Variants in TAF3 observed in about 807,000 individuals in gnomAD.
TAF3 encodes transcription initiation factor TFIID subunit 3.
Under a neutral mutation model 80.6 loss-of-function variants are expected in TAF3, and 7 were observed. That is an observed-to-expected ratio of 0.09 (90% CI 0.05 to 0.16). The LOEUF is 0.16. TAF3 is among the 10% of genes least tolerant of loss of function. The probability of loss-of-function intolerance (pLI) is 1.00; values close to 1 mark genes in which losing one functional copy is unlikely to be tolerated. For missense variants in TAF3, 921 were observed against 1,140.2 expected (o/e 0.81, Z 2.77); for synonymous variants, 444 against 446.1 (o/e 1.00, Z 0.06).
At chr10:8,008,974 T>A (rs1346974695) in intron 4 of TAF3, 104 bp from the exon 5 acceptor site, 37 of 1,449,104 alleles carry the variant, frequency 2.6e-5, no homozygotes, top group Non-Finnish European at 3.2e-5. Context: ...GTTGAAGTAT[T>A]TCGCTACTGG....
intron 2 of TAF3, among the ~76,000 whole-genome samples, chr10:7,855,208 A>C (rs986294782): frequency 6.6e-6 from 1 of 152,214 alleles, no homozygotes; most frequent in African/African-American, 2.4e-5. Flanking sequence ...GGCTTCAGGT[A>C]CTTCTGGAAG....
At chr10:7,928,042 G>C (rs1210022622) in intron 2 of TAF3, among the ~76,000 whole-genome samples, 1 of 151,800 alleles carries the variant, frequency 6.6e-6, no homozygotes, top group Non-Finnish European at 1.5e-5. Flanking sequence ...ATTTTATTTT[G>C]AAAGGGACTA....
chr10:7,930,542 A>C (rs1018055655), intron 2 of TAF3, among the ~76,000 whole-genome samples: 2 of 152,180 alleles, frequency 1.3e-5, no homozygotes, highest in Non-Finnish European at 2.9e-5. Flanking sequence ...ACTACAGTAC[A>C]ATTGCTTCTT....
At chr10:7,861,780 TTTTC>T (rs913057302) in intron 2 of TAF3, among the ~76,000 whole-genome samples, 2 of 147,610 alleles carry the variant, frequency 1.4e-5, no homozygotes, top group South Asian at 2.2e-4. Flanking sequence ...CTAGGTGTGG[TTTTC>T]TTTCTTTTTT....
intron 2 of TAF3, among the ~76,000 whole-genome samples, chr10:7,921,320 G>T (rs1837760087): frequency 6.6e-6 from 1 of 152,034 alleles, no homozygotes; most frequent in African/African-American, 2.4e-5. Flanking sequence ...TGAGAGTGAG[G>T]TTATTACCCT....
At chr10:7,934,904 C>T in intron 2 of TAF3, among the ~76,000 whole-genome samples, 1 of 152,198 alleles carries the variant, frequency 6.6e-6, no homozygotes, top group Non-Finnish European at 1.5e-5. Context: ...GAAAATACAT[C>T]AGTGAATAAA....
intron 2 of TAF3, among the ~76,000 whole-genome samples, chr10:7,938,525 G>A (rs1837946497): frequency 6.6e-6 from 1 of 151,044 alleles, no homozygotes; most frequent in African/African-American, 2.4e-5. Context: ...CATGTCTCTA[G>A]TTGACTGAGA....
intron 2 of TAF3, among the ~76,000 whole-genome samples, chr10:7,835,784 T>A (rs568684777): frequency 6.6e-6 from 1 of 152,172 alleles, no homozygotes. Context: ...TCTCACTGTT[T>A]CCCTTGCATA....
Position 7,974,133 on chromosome 10 carries a change from TACACACACACACACACACACACAC to T in TAF3, c.2233-3092_2233-3069del. 2.8e-5 allele frequency among the ~76,000 whole-genome samples: 4 copies of T among 145,362 alleles called. No homozygotes were observed. The South Asian group carries it at 9.0e-4, about 33-fold the overall frequency. On this transcript the variant is annotated intron_variant, in intron 3 of 6. Transcript: ENST00000344293. ...ACAGAGTGAGATTCCTTCTGAAACA[TACACACACACACACACACACACAC>T]ACACACACACACACAAACACACACA...
chr10:7,842,633 A>G (rs1201000502), intron 2 of TAF3, among the ~76,000 whole-genome samples: 1 of 152,192 alleles, frequency 6.6e-6, no homozygotes, highest in Non-Finnish European at 1.5e-5. Context: ...CATGTCTACC[A>G]AAAATTTAAT....
At chr10:7,951,846 A>G (rs1838085892) in intron 2 of TAF3, among the ~76,000 whole-genome samples, 1 of 152,218 alleles carries the variant, frequency 6.6e-6, no homozygotes, top group African/African-American at 2.4e-5. Flanking sequence ...GGAACCACAT[A>G]GCCCAATAAT....
intron 2 of TAF3, among the ~76,000 whole-genome samples, chr10:7,867,271 A>G (rs1275381002): frequency 6.6e-6 from 1 of 152,102 alleles, no homozygotes; most frequent in African/African-American, 2.4e-5. Flanking sequence ...ACACACACAC[A>G]AAAAACAAAA....
intron 2 of TAF3, among the ~76,000 whole-genome samples, chr10:7,942,034 C>T (rs970806662): frequency 4.6e-5 from 7 of 152,064 alleles, no homozygotes; most frequent in Middle Eastern, 3.2e-3. Context: ...AGTTTTTTTG[C>T]TTCACAAGTG....
At chr10:7,921,584 T>C (rs1232399371) in intron 2 of TAF3, among the ~76,000 whole-genome samples, 1 of 152,172 alleles carries the variant, frequency 6.6e-6, no homozygotes, top group Non-Finnish European at 1.5e-5. Context: ...ATTTCAACTT[T>C]TGTTGCACTT....
At chr10:7,825,420 A>T (rs1836730124) in intron 2 of TAF3, among the ~76,000 whole-genome samples, 1 of 152,226 alleles carries the variant, frequency 6.6e-6, no homozygotes, top group Non-Finnish European at 1.5e-5. Flanking sequence ...TTCAGCCATC[A>T]TCCCCATCCT....
At chr10:7,875,522 C>T (rs528059389) in intron 2 of TAF3, among the ~76,000 whole-genome samples, 15 of 152,252 alleles carry the variant, frequency 9.9e-5, no homozygotes, top group East Asian at 3.9e-4. Flanking sequence ...CCACTGAAAA[C>T]GGATGCTGTC....
intron 4 of TAF3, 61 bp downstream of exon 4, chr10:7,977,384 C>T (rs1387996171): frequency 2.0e-5 from 30 of 1,510,706 alleles, no homozygotes; most frequent in Non-Finnish European, 2.7e-5. Flanking sequence ...TCTACTCTTT[C>T]CTAAGGGACT....
Position 7,824,590 on chromosome 10 carries a change from G to T in TAF3, c.409+30G>T, listed in dbSNP as rs1200572954. On this transcript the variant is annotated intron_variant, in intron 2 of 6. Transcript: ENST00000344293. Reference sequence around the variant, plus strand: ...GTGAGTGTTTCTTCTTCATATGTTAGTGATTATTTTAATGGATTTTTAATC... The same window carrying T: ...GTGAGTGTTTCTTCTTCATATGTTATTGATTATTTTAATGGATTTTTAATC... The T allele has an allele frequency of 3.7e-6, 6 of 1,606,050 alleles. No homozygotes were observed. The South Asian group carries it at 6.6e-5, about 18-fold the overall frequency.
chr10:7,910,336 A>G (rs189103200), intron 2 of TAF3, among the ~76,000 whole-genome samples: 5 of 152,306 alleles, frequency 3.3e-5, no homozygotes, highest in African/African-American at 2.4e-5. Flanking sequence ...AAACATCTAA[A>G]TATCAGGACT....
Sources: allele counts gnomAD v4.1 joint callset (sites outside exome capture counted in the v4.1 genomes callset), GRCh38; gene constraint gnomAD v4.1.1; transcripts MANE v1.5; gene names NCBI Gene and HGNC (gene_info 2026-07-23, HGNC 2026-07-21).